The following KIF13B variants were observed in gnomAD, a reference collection of about 807,000 sequenced individuals.
KIF13B encodes kinesin-like protein KIF13B.
Under a neutral mutation model 222.0 loss-of-function variants are expected in KIF13B, and 127 were observed. The ratio of observed to expected loss-of-function variants is 0.57; its 90% CI spans 0.50 to 0.66. KIF13B has a LOEUF of 0.66. KIF13B is among the 30% of genes least tolerant of loss of function. The pLI, the probability that KIF13B is intolerant of heterozygous loss-of-function variation, is 0.00. For missense variants in KIF13B, 2,173 were observed against 2,379.0 expected (o/e 0.91, Z 1.80); for synonymous variants, 976 against 919.0 (o/e 1.06, Z -1.12).
Position 29,160,793 on chromosome 8 carries a change from G to C in KIF13B, c.1344C>G (p.Cys448Trp). The C allele has an allele frequency of 6.2e-7, 1 of 1,613,444 alleles. No individual in the cohort carries two copies. Among genetic ancestry groups the C allele is most frequent in the Non-Finnish European group, 8.5e-7 (1 of 1,179,500 alleles). ...SSGIKVGDDK[C>W]FLVNLNADPA... ...GGTCAGCATTCAGATTCACAAGGAA[G>C]CATTTATCATCCCCAACTTTGATTC... is the stretch of plus-strand genomic sequence containing the variant. Residue 448 changes from cysteine (C) to tryptophan (W), a missense_variant, in exon 13 of 40, where the codon TGC becomes TGG. Transcript: ENST00000524189.
chr8:29,263,176 C>G, upstream of KIF13B: 1 of 701,128 alleles, frequency 1.4e-6, no homozygotes, highest in Non-Finnish European at 2.2e-6. Context: ...GAGCTCCGGG[C>G]GCTCCCCGCT....
intron 2 of KIF13B, among the ~76,000 whole-genome samples, chr8:29,223,056 G>A (rs1438736455): frequency 3.3e-5 from 5 of 151,160 alleles, no homozygotes; most frequent in South Asian, 2.1e-4. Flanking sequence ...TATGGCTCAC[G>A]CCTATAATGC....
At chr8:29,115,102 T>C (rs1809532396) in intron 31 of KIF13B, among the ~76,000 whole-genome samples, 1 of 152,182 alleles carries the variant, frequency 6.6e-6, no homozygotes, top group African/African-American at 2.4e-5. Flanking sequence ...CAAAGATTGA[T>C]ATCAGTGTGA....
At chr8:29,223,242 G>A (rs1215558252) in intron 2 of KIF13B, among the ~76,000 whole-genome samples, 1 of 150,006 alleles carries the variant, frequency 6.7e-6, no homozygotes, top group Non-Finnish European at 1.5e-5. Context: ...GGGCTGAGGC[G>A]GGAGGATTGC....
intron 36 of KIF13B, 87 bp downstream of exon 36, chr8:29,099,046 T>G (rs998622181): frequency 2.0e-6 from 2 of 1,015,938 alleles, no homozygotes; most frequent in Non-Finnish European, 3.1e-6. Context: ...AGCAGAACAG[T>G]GGCTGCCTGG....
intron 1 of KIF13B, chr8:29,250,151 G>T: frequency 1.2e-6 from 1 of 803,800 alleles, no homozygotes; most frequent in Non-Finnish European, 1.8e-6. Flanking sequence ...CCACCACAAA[G>T]TTGGTCATTA....
At chr8:29,102,555 C>A (rs1808842667) in intron 35 of KIF13B, among the ~76,000 whole-genome samples, 1 of 152,240 alleles carries the variant, frequency 6.6e-6, no homozygotes, top group Admixed American at 6.5e-5. Context: ...CTGACTTGGT[C>A]CCCAGGGACC....
chr8:29,083,885 G>A (rs1271298347), intron 37 of KIF13B, among the ~76,000 whole-genome samples: 1 of 152,048 alleles, frequency 6.6e-6, no homozygotes, highest in East Asian at 1.9e-4. Context: ...TAAGAAAAAT[G>A]AAGGCTGGGA....
intron 2 of KIF13B, among the ~76,000 whole-genome samples, chr8:29,227,746 C>T (rs1228263940): frequency 6.6e-6 from 1 of 151,836 alleles, no homozygotes. Context: ...GCCAGGAATT[C>T]AAGACCAGCC....
At chr8:29,090,162 G>A (rs1262211580) in intron 37 of KIF13B, among the ~76,000 whole-genome samples, 2 of 152,150 alleles carry the variant, frequency 1.3e-5, no homozygotes, top group Non-Finnish European at 2.9e-5. Flanking sequence ...AAAGAAGAAC[G>A]AAGATTCAAG....
intron 3 of KIF13B, among the ~76,000 whole-genome samples, chr8:29,195,766 G>A (rs1337490844): frequency 2.0e-5 from 3 of 152,240 alleles, no homozygotes; most frequent in Admixed American, 6.5e-5. Context: ...GGATGAGTCG[G>A]TTTTGACCGC....
chr8:29,211,047 G>A (rs1180381733), intron 2 of KIF13B, among the ~76,000 whole-genome samples: 1 of 152,220 alleles, frequency 6.6e-6, no homozygotes, highest in Non-Finnish European at 1.5e-5. Context: ...GGCCTAGGAG[G>A]GGTGCAAAGA....
chr8:29,118,727 G>A, intron 30 of KIF13B, 141 bp downstream of exon 30: 1 of 792,482 alleles, frequency 1.3e-6, no homozygotes, highest in Non-Finnish European at 2.0e-6. Context: ...CATTCTTCTG[G>A]AAGTCATGAT....
In KIF13B at chr8:29,132,362, G is replaced by A. The variant is rs1810382008; in HGVS notation, c.2888C>T (p.Pro963Leu). Reference protein sequence around the residue: ...GHKINDPRKNPALWDLGIIQA... With the variant: ...GHKINDPRKNLALWDLGIIQA... The stretch of plus-strand genomic sequence containing the variant: ...GATGATTCCCAAATCCCACAGGGCG[G>A]GGTTTTTCCGGGGATCGTTTATTTT... The change falls in exon 23 of 40, where the codon CCC (proline) becomes CTC (leucine). Residue 963 changes from proline to leucine, a missense_variant. By Grantham distance (98) the Pro-to-Leu change is moderately conservative. Transcript: ENST00000524189. 6.3e-7 allele frequency: 1 copy of A among 1,592,078 alleles called. No homozygotes were observed. Among genetic ancestry groups the A allele is most frequent in the Non-Finnish European group, 8.6e-7 (1 of 1,168,274 alleles).
chr8:29,208,267 A>G (rs1385072239), intron 2 of KIF13B, among the ~76,000 whole-genome samples: 1 of 152,230 alleles, frequency 6.6e-6, no homozygotes, highest in African/African-American at 2.4e-5. Context: ...GTATAGGATA[A>G]AAGTAGTGCT....
At chr8:29,205,944 A>G (rs138493514) in intron 2 of KIF13B, among the ~76,000 whole-genome samples, 5 of 150,092 alleles carry the variant, frequency 3.3e-5, no homozygotes, top group Admixed American at 2.7e-4. Context: ...TACAAAACTC[A>G]GTAGGGAATA....
At chr8:29,156,343 T>C (rs1031515000) in intron 13 of KIF13B, among the ~76,000 whole-genome samples, 4 of 152,152 alleles carry the variant, frequency 2.6e-5, no homozygotes, top group Admixed American at 2.0e-4. Context: ...AGATTTGGCC[T>C]GTGAAAAGCA....
At chr8:29,142,001 T>C (rs1449276139) in intron 19 of KIF13B, among the ~76,000 whole-genome samples, 156 bp downstream of exon 19, 7 of 152,192 alleles carry the variant, frequency 4.6e-5, no homozygotes, top group Non-Finnish European at 1.5e-5. Flanking sequence ...AAATTGTTAA[T>C]TTGCTAAACA....
chr8:29,170,170 A>C (rs2130187616), intron 10 of KIF13B, among the ~76,000 whole-genome samples: 1 of 152,380 alleles, frequency 6.6e-6, no homozygotes, highest in East Asian at 1.9e-4. Context: ...TAGGCAAATC[A>C]GATGAGGTTT....
Sources: allele counts gnomAD v4.1 joint callset (sites outside exome capture counted in the v4.1 genomes callset), GRCh38; gene constraint gnomAD v4.1.1; transcripts MANE v1.5; gene names NCBI Gene and HGNC (gene_info 2026-07-23, HGNC 2026-07-21).